Variants in ERGIC1 observed in about 807,000 individuals in gnomAD.
ERGIC1 encodes the protein endoplasmic reticulum-golgi intermediate compartment 1.
In ERGIC1, 19 loss-of-function variants were observed where a neutral mutation model predicts 38.3. That is an observed-to-expected ratio of 0.50 (90% CI 0.35 to 0.73). The LOEUF is 0.73. ERGIC1 is among the 30% of genes least tolerant of loss of function. The probability of loss-of-function intolerance (pLI) is 0.01; values close to 1 mark genes in which losing one functional copy is unlikely to be tolerated. For synonymous variants in ERGIC1, 124 were observed against 157.6 expected, an observed-to-expected ratio of 0.79 and a Z score of 1.60; for missense variants, 294 against 389.2, an observed-to-expected ratio of 0.76 and a Z score of 2.06.
intron 9 of ERGIC1, among the ~76,000 whole-genome samples, chr5:172,943,364 G>T (rs1326158702): frequency 1.3e-5 from 2 of 151,312 alleles, no homozygotes; most frequent in Non-Finnish European, 2.9e-5. Context: ...CCTTTCCAGG[G>T]CCCAGTCAAC....
rs1276019179 is a variant in ERGIC1, at chr5:172,897,732, C to T, written c.155+658C>T. 1.2e-5 allele frequency: 5 copies of T among 412,870 alleles called. No homozygotes were observed. The Admixed American group carries it at 1.3e-4, about 11-fold the overall frequency. The allele number at this position is 412,870 out of a possible 1,614,324, so 25.6% of individuals were successfully genotyped here. A position where few individuals can be genotyped will look rare whatever the true frequency, so the allele number is the denominator to read the frequency against. On this transcript the variant is annotated intron_variant, in intron 3 of 9. Transcript: ENST00000393784. ...TCACAGGGTCATTTGATGTGAGAGC[C>T]GAAGAGTTCAGTGAAACTAATGGGT...
chr5:172,859,338 C>T (rs2113090338), intron 1 of ERGIC1, among the ~76,000 whole-genome samples: 1 of 152,304 alleles, frequency 6.6e-6, no homozygotes, highest in South Asian at 2.1e-4. Context: ...AGGGCCAGAA[C>T]CTTTGAGCTC....
intron 9 of ERGIC1, 128 bp downstream of exon 9, chr5:172,935,438 G>A (rs1763869510): frequency 7.5e-7 from 1 of 1,326,510 alleles, no homozygotes; most frequent in Non-Finnish European, 1.0e-6. Flanking sequence ...TAGGGGCTCT[G>A]GCTGGGCACA....
intron 1 of ERGIC1, among the ~76,000 whole-genome samples, chr5:172,838,057 G>C (rs369809380): frequency 5.3e-5 from 8 of 152,152 alleles, no homozygotes; most frequent in African/African-American, 1.9e-4. Flanking sequence ...CCGCTGCACT[G>C]GCACTGACCA....
chr5:172,883,519 C>T (rs1359333254), intron 1 of ERGIC1, among the ~76,000 whole-genome samples: 1 of 152,110 alleles, frequency 6.6e-6, no homozygotes, highest in Non-Finnish European at 1.5e-5. Context: ...TTGTAGACTG[C>T]CCCTCACTTT....
At chr5:172,943,305 C>G (rs192387631) in intron 9 of ERGIC1, among the ~76,000 whole-genome samples, 2 of 152,006 alleles carry the variant, frequency 1.3e-5, no homozygotes, top group Non-Finnish European at 2.9e-5. Context: ...CCCAGGCCCC[C>G]GGAGCTCTGG....
intron 2 of ERGIC1, among the ~76,000 whole-genome samples, chr5:172,893,645 G>A (rs960764739): frequency 1.3e-5 from 2 of 151,746 alleles, no homozygotes; most frequent in African/African-American, 2.4e-5. Context: ...GTGAGAAAGG[G>A]AAGAACAGGA....
chr5:172,936,245 G>A (rs551640902), intron 9 of ERGIC1: 1 of 152,324 alleles, frequency 6.6e-6, no homozygotes, highest in Admixed American at 6.5e-5. Context: ...AACATTGCCA[G>A]GAGTAGGTCT....
intron 1 of ERGIC1, among the ~76,000 whole-genome samples, chr5:172,836,595 C>T (rs962805218): frequency 4.6e-5 from 7 of 152,168 alleles, no homozygotes; most frequent in Admixed American, 6.5e-5. Flanking sequence ...ACTGAGGGTT[C>T]GACCATCCCC....
chr5:172,869,685 G>A (rs1761955612), intron 1 of ERGIC1, among the ~76,000 whole-genome samples: 3 of 152,166 alleles, frequency 2.0e-5, no homozygotes. Flanking sequence ...GTTTAGAGAT[G>A]GCTTCTCTCC....
At position 172,909,681 on chromosome 5, in the gene ERGIC1, A is replaced by G. The variant is rs1202912496; in HGVS notation, c.170A>G (p.Tyr57Cys). ...CTTTCCCCTAGTGTGAACGAGCTCT[A>G]TGTCGATGACCCAGACAAGGACAGC... ...FITTEVVNEL[Y>C]VDDPDKDSGG... is the part of the protein sequence containing the mutation. Residue 57 changes from tyrosine (Y) to cysteine (C), a missense_variant, in exon 4 of 10, where the codon TAT (tyrosine) becomes TGT (cysteine). By Grantham distance (194) the Tyr-to-Cys change is radical. Around this residue, in one of 3 missense-constraint regions of ERGIC1, gnomAD observed 163 missense variants for 225.8 expected, o/e 0.72. Transcript: ENST00000393784. The G allele has an allele frequency of 2.5e-6, 4 of 1,614,076 alleles. No homozygotes were observed. Among genetic ancestry groups the G allele is most frequent in the Middle Eastern group, 1.6e-4 (1 of 6,084 alleles).
intron 1 of ERGIC1, among the ~76,000 whole-genome samples, chr5:172,865,620 G>A (rs793031): frequency 1.4e-3 from 208 of 152,170 alleles, no homozygotes; most frequent in African/African-American, 4.6e-3. Context: ...CCTCTTCCCA[G>A]CCAGCACCCC....
intron 1 of ERGIC1, among the ~76,000 whole-genome samples, chr5:172,874,851 G>A (rs1762104201): frequency 6.6e-6 from 1 of 151,774 alleles, no homozygotes; most frequent in Non-Finnish European, 1.5e-5. Context: ...CTGAGCCTAG[G>A]GAGGTTGGGG....
chr5:172,892,060 A>ATTTTTTTTTTGTTTTGTTT (rs372105420), intron 2 of ERGIC1, among the ~76,000 whole-genome samples: 19,299 of 125,414 alleles, frequency 0.15, 1,576 homozygotes, highest in East Asian at 0.31. Context: ...GTTAAAGAGT[A>ATTTTTTTTTTGTTTTGTTT]TGTTTTTTTT....
At chr5:172,911,913 A>G (rs1269544307) in intron 4 of ERGIC1, among the ~76,000 whole-genome samples, 1 of 152,030 alleles carries the variant, frequency 6.6e-6, no homozygotes, top group Non-Finnish European at 1.5e-5. Flanking sequence ...ATCTTCCCCA[A>G]AGGACACCTC....
At chr5:172,908,355 G>GGGGGTGTGC (rs1438395126) in intron 3 of ERGIC1, among the ~76,000 whole-genome samples, 1 of 63,946 alleles carries the variant, frequency 1.6e-5, no homozygotes, top group Non-Finnish European at 2.9e-5. Flanking sequence ...GGGGGGGGTG[G>GGGGGTGTGC]ATCATGAGGT....
chr5:172,934,457 T>A (rs1307706684), intron 8 of ERGIC1: 1 of 152,900 alleles, frequency 6.5e-6, no homozygotes, highest in Admixed American at 6.5e-5. Context: ...GGAAGGTTGG[T>A]GGCAGGGCGG....
At chr5:172,915,380 G>A (rs1763335240) in intron 5 of ERGIC1, 2 of 433,902 alleles carry the variant, frequency 4.6e-6, no homozygotes, top group Admixed American at 6.9e-5. Context: ...GAGGGAGACA[G>A]TCTACAAACC....
intron 4 of ERGIC1, among the ~76,000 whole-genome samples, chr5:172,911,476 C>CTGCCA (rs1763207298): frequency 6.6e-6 from 1 of 152,188 alleles, no homozygotes; most frequent in Admixed American, 6.5e-5. Flanking sequence ...CTGCCATGCC[C>CTGCCA]TGCTGGATCT....
Sources: gnomAD v4.1 joint callset for allele counts (sites outside exome capture counted in the v4.1 genomes callset) on GRCh38, gnomAD v4.1.1 for gene constraint, gnomAD v4.1.1 regional missense constraint, MANE v1.5 for transcripts, NCBI Gene and HGNC (gene_info 2026-07-23, HGNC 2026-07-21) for gene names.